Variants in PHF11 observed in about 807,000 individuals in gnomAD.
The protein encoded by PHF11 is PHD finger protein 11, also known as BRCA1 C-terminus-associated protein.
In PHF11, 38 loss-of-function variants were observed where a neutral mutation model predicts 40.5. The ratio of observed to expected loss-of-function variants is 0.94; its 90% confidence interval spans 0.72 to 1.23. The LOEUF is 1.23. PHF11 is among the 50% of genes most tolerant of loss of function. The probability of loss-of-function intolerance (pLI) is 0.00; values close to 1 mark genes in which losing one functional copy is unlikely to be tolerated. For synonymous variants in PHF11, 127 were observed against 138.2 expected (o/e 0.92, Z 0.57); for missense variants, 369 against 392.4 (o/e 0.94, Z 0.50).
chr13:49,509,088 A>T (rs972941086), intron 2 of PHF11, among the ~76,000 whole-genome samples: 9 of 152,200 alleles, frequency 5.9e-5, no homozygotes, highest in African/African-American at 2.2e-4. Flanking sequence ...TTTTATATAC[A>T]TAATTTGATG....
At chr13:49,508,232 G>GTGTTATGTATTAATATATTATTA (rs1283768743) in intron 2 of PHF11, among the ~76,000 whole-genome samples, 2 of 143,568 alleles carry the variant, frequency 1.4e-5, no homozygotes, top group African/African-American at 5.1e-5. Context: ...ATATATTATT[G>GTGTTATGTATTAATATATTATTA]TGTTATGTAT....
At chr13:49,524,281 C>A in intron 8 of PHF11, 65 bp downstream of exon 8, 5 of 1,211,436 alleles carry the variant, frequency 4.1e-6, no homozygotes, top group East Asian at 2.6e-5. Flanking sequence ...TAAAACAAAA[C>A]AAACCCAAGA....
At chr13:49,502,375 A>C (rs568742815) in intron 1 of PHF11, among the ~76,000 whole-genome samples, 1 of 152,314 alleles carries the variant, frequency 6.6e-6, no homozygotes, top group African/African-American at 2.4e-5. Context: ...TTCTATGTCC[A>C]TCTCACCCAA....
chr13:49,526,357 T>A (rs1959275736), intron 8 of PHF11, 30 bp from the exon 9 acceptor site: 1 of 1,447,782 alleles, frequency 6.9e-7, no homozygotes, highest in East Asian at 2.3e-5. Flanking sequence ...TACAAACTGT[T>A]TAATATTGAA....
chr13:49,511,912 T>C (rs1372345715), intron 2 of PHF11, among the ~76,000 whole-genome samples: 3 of 152,186 alleles, frequency 2.0e-5, no homozygotes, highest in Non-Finnish European at 4.4e-5. Context: ...CCTTTTCTTG[T>C]TTGGTTATGT....
At chr13:49,497,307 A>C in intron 1 of PHF11, 13 of 687,858 alleles carry the variant, frequency 1.9e-5, no homozygotes, top group Non-Finnish European at 3.0e-5. Flanking sequence ...AAATGATCTC[A>C]AACTGAGTAT....
At chr13:49,506,233 TAA>T (rs546735570) in intron 1 of PHF11, among the ~76,000 whole-genome samples, 74 of 120,418 alleles carry the variant, frequency 6.1e-4, no homozygotes, top group Admixed American at 8.5e-4. Context: ...CCCCGGTCTC[TAA>T]AAAAAAAAAA....
At chr13:49,496,120 CG>C in intron 1 of PHF11, 25 bp downstream of exon 1, 1 of 212,398 alleles carries the variant, frequency 4.7e-6, no homozygotes, top group Non-Finnish European at 8.5e-6. Flanking sequence ...GGCGGGCGGG[CG>C]GGCGGGCGGG....
rs535186535 is a variant in PHF11 at position 49,508,344 on chromosome 13, C to A, written c.216+1588C>A. On this transcript the variant is annotated intron_variant, in intron 2 of 9. Transcript: ENST00000378319. ...AATATATTACTATATTCATATATTA[C>A]TATATTCATATATTCATATATAATA... Among the ~76,000 whole-genome samples the A allele has an allele frequency of 7.3e-3, 984 of 134,438 alleles. 12 individuals carry two copies. Among genetic ancestry groups the A allele is most frequent in the African/African-American group, 0.025 (836 of 33,868 alleles). The allele number at this position is 134,438 out of a possible 152,430, so 88.2% of individuals were successfully genotyped here. A position where few individuals can be genotyped will look rare whatever the true frequency, so the allele number is the denominator to read the frequency against.
In PHF11 at chr13:49,504,591, T is replaced by TG. The variant is rs1433405390; in HGVS notation, c.95-2038dup. Among the ~76,000 whole-genome samples the TG allele has an allele frequency of 7.7e-4, 78 of 101,118 alleles. No homozygotes were observed. In the East Asian group the frequency reaches 8.9e-3, roughly 11 times the overall value. The allele number at this position is 101,118 out of a possible 152,430, so 66.3% of individuals were successfully genotyped here. ...CCAGCCGCCCCGTCCGGGAGGGAGG[T>TG]GGGGGGTCAGCCCCCCGCCCGGCCA... On this transcript the variant is annotated intron_variant, in intron 1 of 9. Transcript: ENST00000378319.
At chr13:49,502,287 G>T (rs1207136707) in intron 1 of PHF11, among the ~76,000 whole-genome samples, 1 of 152,002 alleles carries the variant, frequency 6.6e-6, no homozygotes, top group Non-Finnish European at 1.5e-5. Context: ...GGGTGACAGG[G>T]CAAGACCCTG....
intron 9 of PHF11, 69 bp from the exon 10 acceptor site, chr13:49,528,442 A>G (rs1276798421): frequency 1.8e-6 from 2 of 1,132,422 alleles, no homozygotes; most frequent in Non-Finnish European, 2.5e-6. Context: ...GAAAGGGGCT[A>G]GAAATGGTAC....
chr13:49,511,957 G>A (rs1020973837), intron 2 of PHF11, among the ~76,000 whole-genome samples: 2 of 152,176 alleles, frequency 1.3e-5, no homozygotes, highest in East Asian at 3.9e-4. Context: ...TAGAATTACT[G>A]AGTCATAAAG....
At chr13:49,520,324 G>A (rs935648449) in intron 4 of PHF11, among the ~76,000 whole-genome samples, 1 of 152,190 alleles carries the variant, frequency 6.6e-6, no homozygotes, top group Non-Finnish European at 1.5e-5. Flanking sequence ...TGGGATTACA[G>A]GCATGAGCCA....
intron 3 of PHF11, among the ~76,000 whole-genome samples, chr13:49,517,720 CT>C (rs1462046496): frequency 4.6e-5 from 7 of 152,158 alleles, no homozygotes; most frequent in African/African-American, 1.7e-4. Flanking sequence ...TTAGAAAATT[CT>C]TTTTAAAAGA....
chr13:49,508,969 T>C (rs1410949336), intron 2 of PHF11, among the ~76,000 whole-genome samples: 1 of 152,190 alleles, frequency 6.6e-6, no homozygotes, highest in Non-Finnish European at 1.5e-5. Context: ...CTAAAAATTA[T>C]AGCGTATTGA....
intron 2 of PHF11, among the ~76,000 whole-genome samples, chr13:49,512,483 T>C (rs1959093040): frequency 6.6e-6 from 1 of 152,254 alleles, no homozygotes; most frequent in Non-Finnish European, 1.5e-5. Flanking sequence ...CCTTTTGTTA[T>C]TTGAGTGTAA....
chr13:49,526,206 C>A, intron 8 of PHF11, 181 bp from the exon 9 acceptor site: 2 of 537,666 alleles, frequency 3.7e-6, no homozygotes, highest in South Asian at 5.1e-5. Context: ...AAGAGAAATG[C>A]CAAGAATTAC....
chr13:49,506,980 T>C (rs1368093533), intron 2 of PHF11, among the ~76,000 whole-genome samples: 4 of 136,612 alleles, frequency 2.9e-5, no homozygotes, highest in African/African-American at 2.7e-5. Flanking sequence ...CTTGAATCAC[T>C]GCAAGCTCCG....
Sources: gnomAD v4.1 joint callset for allele counts (sites outside exome capture counted in the v4.1 genomes callset) on GRCh38, gnomAD v4.1.1 for gene constraint, MANE v1.5 for transcripts, NCBI Gene and HGNC (gene_info 2026-07-23, HGNC 2026-07-21) for gene names.